SPAG16: variants seen among roughly 807,000 people sequenced by gnomAD.
SPAG16 encodes the protein sperm-associated antigen 16 protein.
In SPAG16, 86 loss-of-function variants were observed where a neutral mutation model predicts 80.4. The observed-to-expected ratio is 1.07, with a 90% CI of 0.90 to 1.28. The LOEUF (loss-of-function observed/expected upper bound fraction) is 1.28. SPAG16 is among the 50% of genes most tolerant of loss of function. The pLI, the probability that SPAG16 is intolerant of heterozygous loss-of-function variation, is 0.00. For synonymous variants in SPAG16, 294 were observed against 265.9 expected, an observed-to-expected ratio of 1.11 and a Z score of -1.03; for missense variants, 870 against 765.3, an observed-to-expected ratio of 1.14 and a Z score of -1.61.
chr2:214,039,893 A>G (rs758892847), intron 13 of SPAG16, among the ~76,000 whole-genome samples: 45 of 152,086 alleles, frequency 3.0e-4, no homozygotes, highest in Non-Finnish European at 5.6e-4. Flanking sequence ...AGTTTGGGTG[A>G]GCGGTGGGGG....
chr2:213,800,334 C>CTCTCCCTCTCTCCCTG (rs2071313866), intron 10 of SPAG16, among the ~76,000 whole-genome samples: 2 of 97,110 alleles, frequency 2.1e-5, no homozygotes, highest in African/African-American at 6.4e-5. Flanking sequence ...CTCCCTCCCT[C>CTCTCCCTCTCTCCCTG]TCTCCCTCTC....
chr2:214,383,587 G>GA (rs112485531), intron 15 of SPAG16, among the ~76,000 whole-genome samples: 17 of 145,404 alleles, frequency 1.2e-4, no homozygotes, highest in East Asian at 4.0e-4. Context: ...AAAGAAAAAA[G>GA]AAAAAAAAAG....
intron 15 of SPAG16, among the ~76,000 whole-genome samples, chr2:214,396,253 GTTGT>G (rs1338626347): frequency 2.0e-5 from 3 of 151,790 alleles, no homozygotes; most frequent in African/African-American, 7.3e-5. Flanking sequence ...TTGGCTTTTT[GTTGT>G]TTATTTTAAT....
Position 214,198,474 on chromosome 2 carries a change from A to C in SPAG16, c.1720+49208A>C, listed in dbSNP as rs1172409126. Among the ~76,000 whole-genome samples, 7 of 152,206 alleles carry C rather than the reference A, an allele frequency of 4.6e-5. No individual in the cohort carries two copies. In the East Asian group the frequency reaches 1.3e-3, roughly 29 times the overall value. On this transcript the variant is annotated intron_variant, in intron 15 of 15. Transcript: ENST00000331683. ...GTTGAGTAGTATTCTTGGTGTAAAT[A>C]TACCACATTTGTTCATTAATTTGTT...
chr2:213,468,656 T>TATCTCTTA (rs1553538790), intron 9 of SPAG16, among the ~76,000 whole-genome samples: 1 of 141,810 alleles, frequency 7.1e-6, no homozygotes, highest in Non-Finnish European at 1.5e-5. Flanking sequence ...ATATCTCCTA[T>TATCTCTTA]TGTGTGTGTG....
At chr2:213,604,621 A>G (rs921492213) in intron 10 of SPAG16, among the ~76,000 whole-genome samples, 1 of 152,032 alleles carries the variant, frequency 6.6e-6, no homozygotes, top group Non-Finnish European at 1.5e-5. Context: ...AATCTATGCT[A>G]TTTCTTATTG....
At chr2:214,204,277 G>C (rs576808116) in intron 15 of SPAG16, among the ~76,000 whole-genome samples, 15 of 152,270 alleles carry the variant, frequency 9.9e-5, no homozygotes, top group Non-Finnish European at 1.8e-4. Context: ...ATAATCTTTT[G>C]GGAGCTCTAT....
chr2:214,201,025 G>C (rs1327608845), intron 15 of SPAG16, among the ~76,000 whole-genome samples: 1 of 152,164 alleles, frequency 6.6e-6, no homozygotes, highest in Non-Finnish European at 1.5e-5. Context: ...TTTTGTGTTT[G>C]CCCAGATACT....
intron 15 of SPAG16, among the ~76,000 whole-genome samples, chr2:214,362,746 A>G (rs1028149683): frequency 1.3e-5 from 2 of 151,966 alleles, no homozygotes; most frequent in African/African-American, 2.4e-5. Context: ...AGGAAACACA[A>G]GAAAACTCAA....
intron 10 of SPAG16, among the ~76,000 whole-genome samples, chr2:213,635,087 G>T (rs1361044178): frequency 6.6e-6 from 1 of 151,098 alleles, no homozygotes; most frequent in East Asian, 1.9e-4. Flanking sequence ...CCAGGCTGGG[G>T]TGCAGTGATG....
chr2:213,705,463 G>A (rs1051759620), intron 10 of SPAG16, among the ~76,000 whole-genome samples: 4 of 139,230 alleles, frequency 2.9e-5, no homozygotes. Flanking sequence ...TTTCCAATTG[G>A]CATCTCTTAA....
chr2:213,747,067 G>A (rs532713346), intron 10 of SPAG16, among the ~76,000 whole-genome samples: 4 of 152,134 alleles, frequency 2.6e-5, no homozygotes, highest in Admixed American at 6.5e-5. Context: ...GACCTTCCGG[G>A]GGACAAGATG....
At chr2:213,399,304 T>G (rs891816575) in intron 9 of SPAG16, among the ~76,000 whole-genome samples, 6 of 152,074 alleles carry the variant, frequency 3.9e-5, no homozygotes, top group African/African-American at 1.4e-4. Flanking sequence ...CCTTTGATAT[T>G]TAAAGTTTGT....
chr2:213,537,372 C>T (rs2076288370), intron 10 of SPAG16, among the ~76,000 whole-genome samples: 1 of 151,632 alleles, frequency 6.6e-6, no homozygotes, highest in Non-Finnish European at 1.5e-5. Flanking sequence ...AATGATTGAA[C>T]TTTAAATATA....
intron 15 of SPAG16, among the ~76,000 whole-genome samples, chr2:214,203,307 G>A (rs2125724977): frequency 6.6e-6 from 1 of 152,220 alleles, no homozygotes; most frequent in Admixed American, 6.5e-5. Flanking sequence ...GGGGGAAATG[G>A]CAGATAGGAG....
chr2:213,821,325 T>C (rs1330596451), intron 10 of SPAG16, among the ~76,000 whole-genome samples: 1 of 152,160 alleles, frequency 6.6e-6, no homozygotes, highest in African/African-American at 2.4e-5. Flanking sequence ...ACCTATGTTA[T>C]TTCATCAAAA....
chr2:213,993,617 T>G (rs976315099), intron 12 of SPAG16, among the ~76,000 whole-genome samples: 2 of 152,180 alleles, frequency 1.3e-5, no homozygotes, highest in Non-Finnish European at 2.9e-5. Context: ...TCCATATAGC[T>G]TTTTAAGAAA....
intron 9 of SPAG16, among the ~76,000 whole-genome samples, chr2:213,398,763 T>G (rs556351945): frequency 1.3e-5 from 2 of 152,312 alleles, no homozygotes; most frequent in South Asian, 2.1e-4. Flanking sequence ...TATGTTGTAC[T>G]TATTAACTCA....
In SPAG16 at chr2:213,892,916, G is replaced by T. The variant is rs186249873; in HGVS notation, c.1214+30288G>T. Among the ~76,000 whole-genome samples the T allele has an allele frequency of 7.2e-4, 110 of 152,188 alleles. 1 individual carries two copies. The South Asian group carries it at 0.013, about 18-fold the overall frequency. On this transcript the variant is annotated intron_variant, in intron 11 of 15. Coordinates refer to ENST00000331683, the MANE Select transcript of SPAG16 (RefSeq NM_024532.5). ...CAAACCAGCATATTTTTCCAAACTT[G>T]TGTGGAGAAAACACATGCATGTAAG...
Sources: allele counts gnomAD v4.1 joint callset (sites outside exome capture counted in the v4.1 genomes callset), GRCh38; gene constraint gnomAD v4.1.1; transcripts MANE v1.5; gene names NCBI Gene and HGNC (gene_info 2026-07-23, HGNC 2026-07-21).